The following ASPH variants were observed in gnomAD, a reference collection of about 807,000 sequenced individuals.
ASPH encodes the protein aspartate beta-hydroxylase.
Under a neutral mutation model 118.4 loss-of-function variants are expected in ASPH, and 100 were observed. The observed-to-expected ratio is 0.84, with a 90% CI of 0.72 to 1.00. The LOEUF is 1.00. Ranked by LOEUF, ASPH falls within the 50% of genes least tolerant of loss-of-function variation. ASPH has a pLI of 0.00. For synonymous variants in ASPH, 315 were observed against 325.6 expected (o/e 0.97, Z 0.35); for missense variants, 920 against 919.5 (o/e 1.00, Z -0.01).
At chr8:61,609,245 C>T (rs969351576) in intron 14 of ASPH, among the ~76,000 whole-genome samples, 4 of 152,176 alleles carry the variant, frequency 2.6e-5, no homozygotes, top group East Asian at 1.9e-4. Context: ...TACCCCTCCA[C>T]GTGGAAATCC....
intron 24 of ASPH, among the ~76,000 whole-genome samples, chr8:61,514,663 C>T (rs1197904799): frequency 6.6e-6 from 1 of 152,036 alleles, no homozygotes; most frequent in Non-Finnish European, 1.5e-5. Context: ...GAGCCGAGAT[C>T]GCCCCATTGT....
At chr8:61,685,794 T>G (rs1199505056) in intron 1 of ASPH, among the ~76,000 whole-genome samples, 1 of 151,624 alleles carries the variant, frequency 6.6e-6, no homozygotes, top group Non-Finnish European at 1.5e-5. Context: ...TAGATAAATT[T>G]TTTTTTTTTT....
intron 16 of ASPH, among the ~76,000 whole-genome samples, chr8:61,573,966 T>C (rs1466885249): frequency 6.6e-6 from 1 of 152,190 alleles, no homozygotes; most frequent in Admixed American, 6.5e-5. Context: ...AAAGAGCTAA[T>C]ATCCAGAATC....
At chr8:61,652,157 T>C (rs769591932) in intron 4 of ASPH, among the ~76,000 whole-genome samples, 6 of 152,226 alleles carry the variant, frequency 3.9e-5, no homozygotes, top group Non-Finnish European at 8.8e-5. Flanking sequence ...TGTGCTATTA[T>C]AGAGTCTGCC....
At chr8:61,680,459 AAG>A (rs1274997969) in intron 3 of ASPH, 1 of 151,832 alleles carries the variant, frequency 6.6e-6, no homozygotes, top group African/African-American at 2.4e-5. Context: ...TTCCAAAATA[AAG>A]ACACTGGGTC....
At chr8:61,572,075 T>C (rs950062091) in intron 16 of ASPH, among the ~76,000 whole-genome samples, 2 of 152,234 alleles carry the variant, frequency 1.3e-5, no homozygotes, top group Non-Finnish European at 2.9e-5. Context: ...AATATATTAA[T>C]TACTTTTTAA....
intron 1 of ASPH, among the ~76,000 whole-genome samples, chr8:61,708,623 A>G (rs1837287912): frequency 6.6e-6 from 1 of 152,222 alleles, no homozygotes; most frequent in Non-Finnish European, 1.5e-5. Context: ...AATGGTAGAA[A>G]TGGCTGTCAA....
intron 21 of ASPH, among the ~76,000 whole-genome samples, chr8:61,541,164 T>G (rs1160074026): frequency 1.3e-5 from 2 of 152,136 alleles, no homozygotes; most frequent in Non-Finnish European, 2.9e-5. Flanking sequence ...AATTTATTTA[T>G]TCAACATGAC....
At chr8:61,670,730 T>C (rs1822033298) in intron 3 of ASPH, among the ~76,000 whole-genome samples, 1 of 151,516 alleles carries the variant, frequency 6.6e-6, no homozygotes, top group African/African-American at 2.4e-5. Flanking sequence ...GGGAAAGGGC[T>C]AGCTTTGGAA....
At chr8:61,516,118 T>C (rs560633894) in intron 24 of ASPH, among the ~76,000 whole-genome samples, 93 of 152,352 alleles carry the variant, frequency 6.1e-4, no homozygotes, top group East Asian at 9.6e-4. Flanking sequence ...ATTCTTCATA[T>C]GTGGCCATAA....
intron 15 of ASPH, chr8:61,579,232 C>T (rs1462626646): frequency 6.2e-7 from 1 of 1,613,790 alleles, no homozygotes; most frequent in Non-Finnish European, 8.5e-7. Flanking sequence ...ATTGCAGATG[C>T]CGAGCAGCGT....
intron 22 of ASPH, among the ~76,000 whole-genome samples, chr8:61,520,659 T>C (rs1812623849): frequency 6.6e-6 from 1 of 152,224 alleles, no homozygotes; most frequent in African/African-American, 2.4e-5. Flanking sequence ...TAAAGTGTTT[T>C]TGAGCCTGGG....
chr8:61,567,018 G>A (rs1831934365), intron 17 of ASPH, 150 bp downstream of exon 17: 1 of 921,402 alleles, frequency 1.1e-6, no homozygotes, highest in South Asian at 2.1e-5. Flanking sequence ...TTTAGAGATG[G>A]TGAGCCTAGG....
chr8:61,622,498 A>G (rs763475970), intron 13 of ASPH, among the ~76,000 whole-genome samples: 19 of 152,254 alleles, frequency 1.2e-4, no homozygotes, highest in South Asian at 2.1e-4. Context: ...CCACACTGGC[A>G]TCTGTTCTTT....
chr8:61,578,720 C>T, intron 15 of ASPH: 1 of 1,608,388 alleles, frequency 6.2e-7, no homozygotes, highest in East Asian at 2.2e-5. Flanking sequence ...AGCTTGGCAA[C>T]ATGCAGAGGC....
chr8:61,653,449 A>G, intron 4 of ASPH, 119 bp downstream of exon 4: 1 of 877,798 alleles, frequency 1.1e-6, no homozygotes, highest in South Asian at 1.9e-5. Context: ...GAAAAAAAGT[A>G]GTTAATTATT....
intron 15 of ASPH, among the ~76,000 whole-genome samples, chr8:61,582,339 C>G (rs1331698456): frequency 6.6e-6 from 1 of 152,062 alleles, no homozygotes; most frequent in Non-Finnish European, 1.5e-5. Flanking sequence ...GTTTTTTACA[C>G]CAAAAGTCAC....
At chr8:61,630,040 C>A (rs888949835) in intron 13 of ASPH, among the ~76,000 whole-genome samples, 2 of 152,148 alleles carry the variant, frequency 1.3e-5, no homozygotes, top group African/African-American at 4.8e-5. Context: ...TAGCAGAGCG[C>A]CTACATAATG....
intron 16 of ASPH, among the ~76,000 whole-genome samples, chr8:61,574,496 C>T (rs1834454919): frequency 6.6e-6 from 1 of 152,196 alleles, no homozygotes; most frequent in Non-Finnish European, 1.5e-5. Flanking sequence ...GGCACATATA[C>T]ACCATGGAAT....
Sources: allele counts gnomAD v4.1 joint callset (sites outside exome capture counted in the v4.1 genomes callset), GRCh38; gene constraint gnomAD v4.1.1; transcripts MANE v1.5; gene names NCBI Gene and HGNC (gene_info 2026-07-23, HGNC 2026-07-21).